Variants in PERCC1 observed in about 807,000 individuals in gnomAD.
PERCC1 encodes the protein proline and glutamate rich with coiled coil 1.
At position 1,433,522 on chromosome 16, in the gene PERCC1, G is replaced by T; in HGVS notation, c.*125G>T. On this transcript the variant is annotated 3_prime_UTR_variant, in exon 2 of 2. Coordinates refer to ENST00000640283, the MANE Select transcript of PERCC1 (RefSeq NM_001365310.2). ...CGGCCACCACAGGGCAAACCCAGAG[G>T]TCACCAGGGCTGGGCTGCAGTGGGA... 1 of 397,946 alleles carries T rather than the reference G, an allele frequency of 2.5e-6. No homozygotes were observed. 24.7% of individuals were successfully genotyped at this position (397,946 alleles called of 1,614,324 possible). A position where few individuals can be genotyped will look rare whatever the true frequency, so the allele number is the denominator to read the frequency against.
In PERCC1 at chr16:1,433,256, G is replaced by A. The variant is rs558364113; in HGVS notation, c.663G>A (p.Pro221=). 21 of 398,832 alleles carry A rather than the reference G, an allele frequency of 5.3e-5. 1 individual carries two copies. The South Asian group carries it at 1.1e-3, about 22-fold the overall frequency. The allele number at this position is 398,832 out of a possible 1,614,324, so 24.7% of individuals were successfully genotyped here. The change falls in exon 2 of 2, where the codon CCG becomes CCA. Residue 221 remains proline, a synonymous_variant. Coordinates refer to ENST00000640283, the MANE Select transcript of PERCC1 (RefSeq NM_001365310.2). ...TGCCCCCATCCTTCTGGAAGGAGCC[G>A]ACCCCTAGCCCCCTGGGCCTGCTGC... ...RKLPPSFWKE[P]TPSPLGLLHP...
Position 1,432,701 on chromosome 16 carries a change from A to AGAGGAGGAGGAGGAGGAGGAGGAGGAG in PERCC1, c.116_142dup (p.Glu39_Glu47dup), listed in dbSNP as rs72210635. On this transcript the variant is annotated inframe_insertion, in exon 2 of 2. Coordinates refer to ENST00000640283, the MANE Select transcript of PERCC1 (RefSeq NM_001365310.2). Reference sequence around the variant, plus strand: ...AGCCCCCAGAGACTTCGGAGGAGGAAGAGGAGGAGGAGGAGGAGGAGGAGG... The same window carrying AGAGGAGGAGGAGGAGGAGGAGGAGGAG: ...AGCCCCCAGAGACTTCGGAGGAGGAAGAGGAGGAGGAGGAGGAGGAGGAGGAGGAGGAGGAGGAGGAGGAGGAGGAGG... The AGAGGAGGAGGAGGAGGAGGAGGAGGAG allele has an allele frequency of 3.4e-6, 1 of 297,128 alleles. No individual in the cohort carries two copies. The highest frequency in any genetic ancestry group is 2.3e-5 in the African/African-American group (1 of 43,702). 18.4% of individuals were successfully genotyped at this position (297,128 alleles called of 1,614,324 possible).
rs182504163 is a variant in PERCC1, at chr16:1,433,948, C to A, written c.*551C>A. ...GACCGAGAGAGCAAACAAGGGCCGTCTCCTCCCCAGATGCCGGAAGGCTCT... is the reference window on the plus strand; with the variant it reads ...GACCGAGAGAGCAAACAAGGGCCGTATCCTCCCCAGATGCCGGAAGGCTCT... On this transcript the variant is annotated 3_prime_UTR_variant, in exon 2 of 2. Coordinates refer to ENST00000640283, the MANE Select transcript of PERCC1 (RefSeq NM_001365310.2). Among the ~76,000 whole-genome samples, 1 of 152,322 alleles carries A rather than the reference C, an allele frequency of 6.6e-6. No homozygotes were observed. The highest frequency in any genetic ancestry group is 1.9e-4 in the East Asian group (1 of 5,174).
In PERCC1 at chr16:1,434,362, C is replaced by T; in HGVS notation, c.*965C>T. The T allele has an allele frequency of 1.9e-6, 3 of 1,539,738 alleles. No individual in the cohort carries two copies. The highest frequency in any genetic ancestry group is 8.8e-7 in the Non-Finnish European group (1 of 1,140,310). On this transcript the variant is annotated 3_prime_UTR_variant, in exon 2 of 2. Coordinates refer to ENST00000640283, the MANE Select transcript of PERCC1 (RefSeq NM_001365310.2). ...AGGCCCTGGGTAGGCTGTCTCCCAG[C>T]ACACATCAGGGAACCTCAGCTCTAA...
intron 1 of PERCC1, among the ~76,000 whole-genome samples, chr16:1,431,426 C>T (rs1029172755): frequency 9.2e-5 from 14 of 152,198 alleles, no homozygotes; most frequent in Middle Eastern, 3.4e-3. Flanking sequence ...CGGGAGGCCT[C>T]GCAGTTCACC....
Position 1,432,886 on chromosome 16 carries a change from G to A in PERCC1, c.293G>A (p.Arg98Gln), listed in dbSNP as rs766752316. The A allele has an allele frequency of 3.0e-5, 12 of 398,558 alleles. No homozygotes were observed. The highest frequency in any genetic ancestry group is 4.4e-5 in the Non-Finnish European group (10 of 225,984). 24.7% of individuals were successfully genotyped at this position (398,558 alleles called of 1,614,324 possible). Residue 98 changes from arginine to glutamine, a missense_variant, in exon 2 of 2, where the codon CGG becomes CAG. Physicochemically the swap from Arg to Gln is conservative, Grantham distance 43. Coordinates refer to ENST00000640283, the MANE Select transcript of PERCC1 (RefSeq NM_001365310.2). ...RFSELISDDI[R>Q]RYFGRKDKGQ... is the part of the protein sequence containing the mutation. ...TCAGAGCTCATCAGCGACGACATCC[G>A]GCGGTACTTTGGCCGCAAGGATAAG...
At position 1,432,701 on chromosome 16, in the gene PERCC1, A is replaced by AGAGGAG. The variant is rs72210635; in HGVS notation, c.137_142dup (p.Glu46_Glu47dup). ...AGCCCCCAGAGACTTCGGAGGAGGAAGAGGAGGAGGAGGAGGAGGAGGAGG... is the reference window on the plus strand; with the variant it reads ...AGCCCCCAGAGACTTCGGAGGAGGAAGAGGAGGAGGAGGAGGAGGAGGAGGAGGAGG... On this transcript the variant is annotated inframe_insertion, in exon 2 of 2. Coordinates refer to ENST00000640283, the MANE Select transcript of PERCC1 (RefSeq NM_001365310.2). The AGAGGAG allele has an allele frequency of 1.5e-4, 61 of 394,998 alleles. No individual in the cohort carries two copies. The highest frequency in any genetic ancestry group is 7.5e-4 in the African/African-American group (36 of 47,764). 24.5% of individuals were successfully genotyped at this position (394,998 alleles called of 1,614,324 possible).
chr16:1,432,710 GGA>G lies in PERCC1; in HGVS notation c.119_120del (p.Glu40GlyfsTer66), dbSNP rs2038459985. 5.6e-6 allele frequency: 2 copies of G among 354,766 alleles called. No homozygotes were observed. Among genetic ancestry groups the G allele is most frequent in the Non-Finnish European group, 1.0e-5 (2 of 200,964 alleles). The allele number at this position is 354,766 out of a possible 1,614,324, so 22.0% of individuals were successfully genotyped here. A position where few individuals can be genotyped will look rare whatever the true frequency, so the allele number is the denominator to read the frequency against. On this transcript the variant is annotated frameshift_variant, in exon 2 of 2. Coordinates refer to ENST00000640283, the MANE Select transcript of PERCC1 (RefSeq NM_001365310.2). LOFTEE classifies it low-confidence loss of function (END_TRUNC). ...AGACTTCGGAGGAGGAAGAGGAGGAGGAGGAGGAGGAGGAGGAGGAGGAGGGC... is the reference window on the plus strand; with the variant it reads ...AGACTTCGGAGGAGGAAGAGGAGGAGGGAGGAGGAGGAGGAGGAGGAGGGC... ...PETSEEEEEE[E>X]EEEEEEEGEG...
chr16:1,433,990 T>C lies in PERCC1; in HGVS notation c.*593T>C, dbSNP rs931209751. Among the ~76,000 whole-genome samples, 12 of 152,250 alleles carry C rather than the reference T, an allele frequency of 7.9e-5. No individual in the cohort carries two copies. Among genetic ancestry groups the C allele is most frequent in the African/African-American group, 2.4e-4 (10 of 41,544 alleles). On this transcript the variant is annotated 3_prime_UTR_variant, in exon 2 of 2. Coordinates refer to ENST00000640283, the MANE Select transcript of PERCC1 (RefSeq NM_001365310.2). ...GAAGGCTCTTCCACTGCAGGGCTGC[T>C]GGGCTGGAGGGGCTCTGAGGCAGAG... is the stretch of plus-strand genomic sequence containing the variant.
chr16:1,434,337 A>T lies in PERCC1; in HGVS notation c.*940A>T, dbSNP rs7192100. ...ACCTCGCCACCCCGCTCAGCCCCACAGGCCCTGGGTAGGCTGTCTCCCAGC... is the reference window on the plus strand; with the variant it reads ...ACCTCGCCACCCCGCTCAGCCCCACTGGCCCTGGGTAGGCTGTCTCCCAGC... On this transcript the variant is annotated 3_prime_UTR_variant, in exon 2 of 2. Transcript: ENST00000640283. 6.6e-7 allele frequency: 1 copy of T among 1,511,476 alleles called. No homozygotes were observed. 93.6% of individuals were successfully genotyped at this position (1,511,476 alleles called of 1,614,324 possible).
chr16:1,434,260 TG>T lies in PERCC1; in HGVS notation c.*868del. 3.4e-6 allele frequency: 3 copies of T among 894,296 alleles called. No homozygotes were observed. The highest frequency in any genetic ancestry group is 5.0e-6 in the Non-Finnish European group (3 of 602,702). 55.4% of individuals were successfully genotyped at this position (894,296 alleles called of 1,614,324 possible). A position where few individuals can be genotyped will look rare whatever the true frequency, so the allele number is the denominator to read the frequency against. On this transcript the variant is annotated 3_prime_UTR_variant, in exon 2 of 2. Coordinates refer to ENST00000640283, the MANE Select transcript of PERCC1 (RefSeq NM_001365310.2). The stretch of plus-strand genomic sequence containing the variant: ...GGTTTGGGCAGGACAGGAAGAGTCA[TG>T]GGGGTCAAGAGACTGGGTCCCTCCA...
At position 1,434,152 on chromosome 16, in the gene PERCC1, G is replaced by A. The variant is rs926390580; in HGVS notation, c.*755G>A. Among the ~76,000 whole-genome samples the A allele has an allele frequency of 1.3e-5, 2 of 152,228 alleles. No homozygotes were observed. Among genetic ancestry groups the A allele is most frequent in the East Asian group, 3.8e-4 (2 of 5,198 alleles). On this transcript the variant is annotated 3_prime_UTR_variant, in exon 2 of 2. Transcript: ENST00000640283. ...AGCCAAGCCCCTTCCACCCCGGGGG[G>A]CTCTGGCAGCCCTAGGGGGCCTGGC...
Position 1,433,265 on chromosome 16 carries a change from C to T in PERCC1, c.672C>T (p.Ser224=). Reference sequence around the variant, plus strand: ...CCTTCTGGAAGGAGCCGACCCCTAGCCCCCTGGGCCTGCTGCACCCTGGCA... The same window carrying T: ...CCTTCTGGAAGGAGCCGACCCCTAGTCCCCTGGGCCTGCTGCACCCTGGCA... ...PPSFWKEPTP[S]PLGLLHPGTP... Residue 224 remains serine, a synonymous_variant, in exon 2 of 2, where the codon AGC becomes AGT. Transcript: ENST00000640283. 2.5e-6 allele frequency: 1 copy of T among 398,844 alleles called. No individual in the cohort carries two copies. The highest frequency in any genetic ancestry group is 4.4e-6 in the Non-Finnish European group (1 of 226,142). The allele number at this position is 398,844 out of a possible 1,614,324, so 24.7% of individuals were successfully genotyped here.
At position 1,434,332 on chromosome 16, in the gene PERCC1, C is replaced by T. The variant is rs963888517; in HGVS notation, c.*935C>T. 3.3e-6 allele frequency: 5 copies of T among 1,504,062 alleles called. No individual in the cohort carries two copies. In the Admixed American group the frequency reaches 8.2e-5, roughly 25 times the overall value. 93.2% of individuals were successfully genotyped at this position (1,504,062 alleles called of 1,614,324 possible). A position where few individuals can be genotyped will look rare whatever the true frequency, so the allele number is the denominator to read the frequency against. ...CAGGGACCTCGCCACCCCGCTCAGC[C>T]CCACAGGCCCTGGGTAGGCTGTCTC... On this transcript the variant is annotated 3_prime_UTR_variant, in exon 2 of 2. Transcript: ENST00000640283.
At chr16:1,432,428 G>A in intron 1 of PERCC1, 119 bp from the exon 2 acceptor site, 2 of 397,494 alleles carry the variant, frequency 5.0e-6, no homozygotes, top group Non-Finnish European at 8.9e-6. Flanking sequence ...GGGCACCCAG[G>A]AGCGGAGGAA....
rs1010682291 is a variant in PERCC1 at position 1,433,357 on chromosome 16, G to T, written c.764G>T (p.Gly255Val). Residue 255 changes from glycine (G) to valine (V), a missense_variant, in exon 2 of 2, where the codon GGA (glycine) becomes GTA (valine). Transcript: ENST00000640283. ...GCCTGTCCTGAGCTGCCCGGCAGGG[G>T]AACCCCAGCCCTGGAAGGGGCACGG... ...TEACPELPGR[G>V]TPALEGARPA... The T allele has an allele frequency of 5.0e-6, 2 of 398,464 alleles. No individual in the cohort carries two copies. The highest frequency in any genetic ancestry group is 4.1e-5 in the African/African-American group (2 of 48,598). The allele number at this position is 398,464 out of a possible 1,614,324, so 24.7% of individuals were successfully genotyped here.
In PERCC1 at chr16:1,432,234, G is replaced by GC. The variant is rs1295293512; in HGVS notation, c.-47-307dup. On this transcript the variant is annotated intron_variant, in intron 1 of 1. Transcript: ENST00000640283. ...CCACAATGTCCCCATGTCCCCAACT[G>GC]CCCCCCACGACAGGACCCCACTGCT... is the stretch of plus-strand genomic sequence containing the variant. Among the ~76,000 whole-genome samples the GC allele has an allele frequency of 4.0e-5, 6 of 151,392 alleles. No homozygotes were observed. In the East Asian group the frequency reaches 1.2e-3, roughly 29 times the overall value.
rs2038464924 is a variant in PERCC1 at position 1,433,062 on chromosome 16, CA to C, written c.470del (p.Gln157ArgfsTer40). On this transcript the variant is annotated frameshift_variant, in exon 2 of 2. Transcript: ENST00000640283. LOFTEE classifies it low-confidence loss of function (END_TRUNC). ...DTPEPRVPQG[Q>X]VCRPGLSGDR... ...CCCGGAGCCCAGGGTACCCCAAGGG[CA>C]GGTGTGCAGGCCGGGCCTCAGCGGG... 1 of 398,744 alleles carries C rather than the reference CA, an allele frequency of 2.5e-6. No homozygotes were observed. Among genetic ancestry groups the C allele is most frequent in the East Asian group, 3.6e-5 (1 of 28,046 alleles). The allele number at this position is 398,744 out of a possible 1,614,324, so 24.7% of individuals were successfully genotyped here. A position where few individuals can be genotyped will look rare whatever the true frequency, so the allele number is the denominator to read the frequency against.
intron 1 of PERCC1, among the ~76,000 whole-genome samples, chr16:1,431,795 G>T (rs1000456618): frequency 1.3e-5 from 2 of 152,126 alleles, no homozygotes; most frequent in African/African-American, 4.8e-5. Context: ...CCCTGACCCA[G>T]ATACCTCACT....
Sources: gnomAD v4.1 joint callset for allele counts (sites outside exome capture counted in the v4.1 genomes callset) on GRCh38, gnomAD v4.1.1 for gene constraint, MANE v1.5 for transcripts, NCBI Gene and HGNC (gene_info 2026-07-23, HGNC 2026-07-21) for gene names.